PDE1C: variants seen among roughly 807,000 people sequenced by gnomAD.
The protein encoded by PDE1C is dual specificity calcium/calmodulin-dependent 3',5'-cyclic nucleotide phosphodiesterase 1C.
PDE1C carries 62 observed loss-of-function variants against 93.1 expected under a neutral mutation model. The observed-to-expected ratio is 0.67, with a 90% CI of 0.54 to 0.82. The LOEUF is 0.82. Among genes scored for constraint, PDE1C ranks in the 40% least tolerant of loss-of-function variants. The probability of loss-of-function intolerance (pLI) is 0.00; values close to 1 mark genes in which losing one functional copy is unlikely to be tolerated. For missense variants in PDE1C, 742 were observed against 884.6 expected, an observed-to-expected ratio of 0.84 and a Z score of 2.04; for synonymous variants, 325 against 310.1, an observed-to-expected ratio of 1.05 and a Z score of -0.50.
intron 1 of PDE1C, among the ~76,000 whole-genome samples, chr7:32,362,733 G>A (rs560719979): frequency 7.9e-4 from 121 of 152,298 alleles, no homozygotes; most frequent in African/African-American, 2.7e-3. Flanking sequence ...ATGTCACGGT[G>A]AGAAAGCATC....
At chr7:31,859,337 A>G (rs1794404384) in intron 7 of PDE1C, among the ~76,000 whole-genome samples, 1 of 149,572 alleles carries the variant, frequency 6.7e-6, no homozygotes, top group African/African-American at 2.4e-5. Flanking sequence ...TATTTGTTTC[A>G]ATAAATAGGA....
intron 1 of PDE1C, among the ~76,000 whole-genome samples, chr7:32,389,309 C>T (rs1329990371): frequency 1.3e-5 from 2 of 152,074 alleles, no homozygotes; most frequent in African/African-American, 4.8e-5. Flanking sequence ...CTCTACCTCC[C>T]AGGTTCAAGT....
At chr7:32,213,020 T>TA (rs1011533891) in intron 1 of PDE1C, among the ~76,000 whole-genome samples, 1 of 152,208 alleles carries the variant, frequency 6.6e-6, no homozygotes, top group African/African-American at 2.4e-5. Flanking sequence ...CATCACTTTT[T>TA]ATCATTGTAA....
At chr7:31,961,531 A>C (rs564107903) in intron 2 of PDE1C, among the ~76,000 whole-genome samples, 1 of 152,266 alleles carries the variant, frequency 6.6e-6, no homozygotes, top group Non-Finnish European at 1.5e-5. Context: ...AAAAGAGGAA[A>C]TGATCCCATT....
At chr7:32,298,599 G>A (rs1449711932) in intron 1 of PDE1C, 1 of 1,551,892 alleles carries the variant, frequency 6.4e-7, no homozygotes, top group Non-Finnish European at 8.7e-7. Flanking sequence ...GACCGCCACC[G>A]GAGAGGGCGT....
At chr7:32,420,118 TATATATACACACAC>T (rs1233715926) in intron 1 of PDE1C, among the ~76,000 whole-genome samples, 1 of 24,184 alleles carries the variant, frequency 4.1e-5, no homozygotes, top group Non-Finnish European at 8.8e-5. Flanking sequence ...TATATATATA[TATATATACACACAC>T]ACACACACAC....
intron 17 of PDE1C, among the ~76,000 whole-genome samples, chr7:31,772,318 A>C (rs2128624948): frequency 6.6e-6 from 1 of 152,306 alleles, no homozygotes; most frequent in Non-Finnish European, 1.5e-5. Context: ...CTTGGAGGAA[A>C]CAGGCTGGCA....
Position 32,278,844 on chromosome 7 carries a change from T to C in PDE1C, c.85+19807A>G, listed in dbSNP as rs182781410. Among the ~76,000 whole-genome samples, 66 of 152,132 alleles carry C rather than the reference T, an allele frequency of 4.3e-4. 1 individual carries two copies. The East Asian group carries it at 8.3e-3, about 19-fold the overall frequency. Reference sequence around the variant, plus strand: ...AGAAAGGGCACAAAGTAACCGATAATGAAAAATAAAACTAGTTTTAAAAGA... The same window carrying C: ...AGAAAGGGCACAAAGTAACCGATAACGAAAAATAAAACTAGTTTTAAAAGA... On this transcript the variant is annotated intron_variant, in intron 1 of 18. Coordinates refer to the PDE1C transcript ENST00000396193.
chr7:31,694,076 T>C, the PDE1C span, among the ~76,000 whole-genome samples: 1 of 152,342 alleles, frequency 6.6e-6, no homozygotes, highest in Admixed American at 6.5e-5. Context: ...TAATTGCTGC[T>C]GAAGAGTTAA....
chr7:32,086,236 A>T (rs1282575158), intron 3 of PDE1C, among the ~76,000 whole-genome samples: 1 of 147,784 alleles, frequency 6.8e-6, no homozygotes, highest in Non-Finnish European at 1.5e-5. Context: ...CCAAATCATG[A>T]GTGAACTCCC....
intron 2 of PDE1C, among the ~76,000 whole-genome samples, chr7:31,958,505 C>T (rs1808467066): frequency 6.6e-6 from 1 of 152,170 alleles, no homozygotes; most frequent in Non-Finnish European, 1.5e-5. Flanking sequence ...AATATCCAGC[C>T]TTGATTTATC....
At chr7:31,877,086 A>G (rs1023086893) in intron 5 of PDE1C, among the ~76,000 whole-genome samples, 2 of 152,216 alleles carry the variant, frequency 1.3e-5, no homozygotes, top group Non-Finnish European at 2.9e-5. Flanking sequence ...CAATGGCTTT[A>G]GCAAAGGTCA....
chr7:31,828,193 G>A (rs1789932023), intron 12 of PDE1C, 99 bp downstream of exon 12: 5 of 877,372 alleles, frequency 5.7e-6, no homozygotes, highest in South Asian at 1.5e-5. Flanking sequence ...TGGCAGAATG[G>A]AGCCAGTTTC....
chr7:31,836,443 TC>T (rs1791121404), intron 11 of PDE1C, among the ~76,000 whole-genome samples: 1 of 152,130 alleles, frequency 6.6e-6, no homozygotes. Flanking sequence ...CAAGCGATTC[TC>T]CTGCCTCAGC....
At chr7:32,095,591 T>A (rs1336008682) in intron 3 of PDE1C, among the ~76,000 whole-genome samples, 1 of 152,208 alleles carries the variant, frequency 6.6e-6, no homozygotes, top group African/African-American at 2.4e-5. Context: ...TTATTATATT[T>A]CTCCAGCCCA....
In PDE1C at chr7:32,033,316, C is replaced by T. The variant is rs76445767; in HGVS notation, c.128+18238G>A. The stretch of plus-strand genomic sequence containing the variant: ...GTAAATTACAGCTTAATCTTCCTCA[C>T]CCTGGAATTCATTCAGTAGTTTTAA... On this transcript the variant is annotated intron_variant, in intron 2 of 17. Transcript: ENST00000396191. Among the ~76,000 whole-genome samples, 1,419 of 152,088 alleles carry T rather than the reference C, an allele frequency of 9.3e-3. 21 individuals carry two copies. Among genetic ancestry groups the T allele is most frequent in the African/African-American group, 0.032 (1,336 of 41,478 alleles).
intron 1 of PDE1C, among the ~76,000 whole-genome samples, chr7:32,211,557 C>CGT (rs1806025731): frequency 6.8e-6 from 1 of 146,588 alleles, no homozygotes; most frequent in Non-Finnish European, 1.5e-5. Context: ...CAAGAGTTGT[C>CGT]TATAACCAAA....
chr7:32,378,537 T>C (rs1362172471), intron 1 of PDE1C, among the ~76,000 whole-genome samples: 1 of 152,172 alleles, frequency 6.6e-6, no homozygotes, highest in African/African-American at 2.4e-5. Flanking sequence ...TTACCAGCCA[T>C]TATTCTAGAG....
At chr7:31,899,438 G>A (rs1000716621) in intron 2 of PDE1C, among the ~76,000 whole-genome samples, 16 of 152,066 alleles carry the variant, frequency 1.1e-4, no homozygotes, top group Non-Finnish European at 1.9e-4. Context: ...CACTGCGCCC[G>A]GCCGGACAGT....
Sources: allele counts gnomAD v4.1 joint callset (sites outside exome capture counted in the v4.1 genomes callset), GRCh38; gene constraint gnomAD v4.1.1; transcripts MANE v1.5; gene names NCBI Gene and HGNC (gene_info 2026-07-23, HGNC 2026-07-21).